The following MOB3A variants were observed in gnomAD, a reference collection of about 807,000 sequenced individuals.
MOB3A encodes the protein MOB LAK.
A neutral mutation model predicts 17.8 loss-of-function variants in MOB3A; 17 were observed. The ratio of observed to expected loss-of-function variants is 0.95; its 90% CI spans 0.65 to 1.43. The LOEUF is 1.43. MOB3A is among the 40% of genes most tolerant of loss of function. The probability of loss-of-function intolerance (pLI) is 0.00; values close to 1 mark genes in which losing one functional copy is unlikely to be tolerated. For synonymous variants in MOB3A, 124 were observed against 133.2 expected (o/e 0.93, Z 0.48); for missense variants, 333 against 310.8 (o/e 1.07, Z -0.54).
chr19:2,071,249 G>A lies in MOB3A; in HGVS notation c.*2146C>T, dbSNP rs898848064. 1.3e-5 allele frequency: 2 copies of A among 152,260 alleles called. No individual in the cohort carries two copies. Among genetic ancestry groups the A allele is most frequent in the African/African-American group, 4.8e-5 (2 of 41,458 alleles). 9.4% of individuals were successfully genotyped at this position (152,260 alleles called of 1,614,324 possible). On this transcript the variant is annotated 3_prime_UTR_variant, in exon 5 of 5. Transcript: ENST00000357066. ...TTGGGCTTCATCTTCCAGGTACAAG[G>A]AGATACATTTCATCAAGCAGTTCCT...
chr19:2,081,517 G>A (rs887400214), intron 2 of MOB3A, among the ~76,000 whole-genome samples: 30 of 150,938 alleles, frequency 2.0e-4, no homozygotes, highest in Non-Finnish European at 3.8e-4. Context: ...GAACCCGGGG[G>A]ACAAAGGTTG....
In MOB3A at chr19:2,082,544, G is replaced by A. The variant is rs959793507; in HGVS notation, c.-120+2631C>T. ...AACCCTGGACTCTGTGGGTGGATCG[G>A]CCGGGTCTCGAACCCTGGACTCTGT... On this transcript the variant is annotated intron_variant, in intron 2 of 4. Transcript: ENST00000357066. The surrounding 1 kb of genome is among the most constrained non-coding windows in gnomAD (Gnocchi z 4.1). 6.6e-6 allele frequency among the ~76,000 whole-genome samples: 1 copy of A among 152,094 alleles called. No individual in the cohort carries two copies. The highest frequency in any genetic ancestry group is 2.4e-5 in the African/African-American group (1 of 41,394).
chr19:2,077,846 C>G (rs1012048338), intron 3 of MOB3A, among the ~76,000 whole-genome samples: 1 of 151,552 alleles, frequency 6.6e-6, no homozygotes. Context: ...TACAGTGGCA[C>G]GATCATAGTT....
Position 2,082,968 on chromosome 19 carries a change from A to G in MOB3A, c.-120+2207T>C, listed in dbSNP as rs1460011431. On this transcript the variant is annotated intron_variant, in intron 2 of 4. Transcript: ENST00000357066. This position sits in a 1 kb window ranked among gnomAD's most constrained non-coding sequence, Gnocchi z 4.1. Reference sequence around the variant, plus strand: ...GCTGGGACCACGGGCACTCACTGCCATAATTTTTTATAATTTTTTCACCAC... The same window carrying G: ...GCTGGGACCACGGGCACTCACTGCCGTAATTTTTTATAATTTTTTCACCAC... Among the ~76,000 whole-genome samples, 3 of 151,062 alleles carry G rather than the reference A, an allele frequency of 2.0e-5. No homozygotes were observed. The highest frequency in any genetic ancestry group is 7.4e-5 in the African/African-American group (3 of 40,636).
chr19:2,075,667 A>T (rs1000393), intron 4 of MOB3A, among the ~76,000 whole-genome samples: 71,783 of 151,922 alleles, frequency 0.47, 17,680 homozygotes, highest in African/African-American at 0.61. Context: ...CATCACCGAG[A>T]CACAATTGTG....
Position 2,076,875 on chromosome 19 carries a change from TAGC to T in MOB3A, c.557_559del (p.Cys186del), listed in dbSNP as rs776272693. The T allele has an allele frequency of 1.2e-6, 2 of 1,613,960 alleles. No individual in the cohort carries two copies. The highest frequency in any genetic ancestry group is 4.5e-5 in the East Asian group (2 of 44,900). ...CTTGACGAAATAGTAGAAGTGCTTGTAGCAGGTGTTCACGTGGGCCTCGGAGCC... is the reference window on the plus strand; with the variant it reads ...CTTGACGAAATAGTAGAAGTGCTTGTAGGTGTTCACGTGGGCCTCGGAGCC... On this transcript the variant is annotated inframe_deletion, in exon 4 of 5. Coordinates refer to ENST00000357066, the MANE Select transcript of MOB3A (RefSeq NM_130807.3).
At chr19:2,091,557 T>A (rs1259634816) in intron 1 of MOB3A, among the ~76,000 whole-genome samples, 1 of 151,610 alleles carries the variant, frequency 6.6e-6, no homozygotes, top group Non-Finnish European at 1.5e-5. Context: ...CTAATTTTTG[T>A]ATTTTTGGTA....
rs576633033 is a variant in MOB3A, at chr19:2,096,071, C to A, written c.-274+155G>T. 4.6e-5 allele frequency among the ~76,000 whole-genome samples: 7 copies of A among 151,934 alleles called. No homozygotes were observed. In the South Asian group the frequency reaches 1.5e-3, roughly 32 times the overall value. ...GCCCTTCCTGAAGGCTCGGCCTCCC[C>A]GTAGCCTAAGTTCGCCCGTCTGAGG... On this transcript the variant is annotated intron_variant, in intron 1 of 4. Coordinates refer to ENST00000357066, the MANE Select transcript of MOB3A (RefSeq NM_130807.3).
chr19:2,087,029 G>C (rs375074036), intron 1 of MOB3A, among the ~76,000 whole-genome samples: 1 of 152,188 alleles, frequency 6.6e-6, no homozygotes, highest in South Asian at 2.1e-4. Context: ...GGAGTCAAGC[G>C]ATCTTCCCAC....
chr19:2,089,872 T>C (rs1248051338), intron 1 of MOB3A, among the ~76,000 whole-genome samples: 2 of 151,918 alleles, frequency 1.3e-5, no homozygotes, highest in Non-Finnish European at 2.9e-5. Context: ...CTGAGCAATG[T>C]CCCTGGCCTC....
rs779301315 is a variant in MOB3A at position 2,078,591 on chromosome 19, T to C, written c.-31A>G. 29 of 1,536,798 alleles carry C rather than the reference T, an allele frequency of 1.9e-5. No homozygotes were observed. In the African/African-American group the frequency reaches 3.4e-4, roughly 18 times the overall value. ...TGACGCCTGCTCTCCTGGACTTCTG[T>C]AGAGGGGTCCTGGGCCAGCTGGCTG... On this transcript the variant is annotated 5_prime_UTR_variant, in exon 3 of 5. Transcript: ENST00000357066.
Position 2,073,287 on chromosome 19 carries a change from C to A in MOB3A, c.*108G>T. 2 of 1,455,874 alleles carry A rather than the reference C, an allele frequency of 1.4e-6. No homozygotes were observed. Among genetic ancestry groups the A allele is most frequent in the South Asian group, 2.3e-5 (2 of 87,156 alleles). 90.2% of individuals were successfully genotyped at this position (1,455,874 alleles called of 1,614,324 possible). A position where few individuals can be genotyped will look rare whatever the true frequency, so the allele number is the denominator to read the frequency against. On this transcript the variant is annotated 3_prime_UTR_variant, in exon 5 of 5. Transcript: ENST00000357066. ...GCTCAGCGGCTCGGCCCCTGGTCTC[C>A]CTGAGATGCTCAGGCCGGAGAGAAG... is the stretch of plus-strand genomic sequence containing the variant.
rs567058262 is a variant in MOB3A at position 2,093,805 on chromosome 19, C to T, written c.-274+2421G>A. On this transcript the variant is annotated intron_variant, in intron 1 of 4. Transcript: ENST00000357066. The surrounding 1 kb of genome is among the most constrained non-coding windows in gnomAD (Gnocchi z 4.6). The stretch of plus-strand genomic sequence containing the variant: ...TGTTGCTTGAGGTGGGTGCCTGTGT[C>T]GTCCCTGGGGAAAGGGAAACACATC... Among the ~76,000 whole-genome samples the T allele has an allele frequency of 2.0e-5, 3 of 151,886 alleles. No individual in the cohort carries two copies. Among genetic ancestry groups the T allele is most frequent in the Non-Finnish European group, 4.4e-5 (3 of 67,958 alleles).
At position 2,078,463 on chromosome 19, in the gene MOB3A, T is replaced by C; in HGVS notation, c.98A>G (p.Lys33Arg). 2 of 1,612,794 alleles carry C rather than the reference T, an allele frequency of 1.2e-6. No individual in the cohort carries two copies. Among genetic ancestry groups the C allele is most frequent in the Non-Finnish European group, 8.5e-7 (1 of 1,179,044 alleles). The change falls in exon 3 of 5, where the codon AAG becomes AGG. Residue 33 changes from lysine (K) to arginine (R), a missense_variant. Transcript: ENST00000357066. ...EPGTQRFELHKKAQASLNAGL... is the reference protein window; with the variant it reads ...EPGTQRFELHRKAQASLNAGL... The stretch of plus-strand genomic sequence containing the variant: ...GGCGTTCAGCGACGCCTGCGCCTTC[T>C]TGTGCAGCTCGAAGCGCTGGGTGCC...
Position 2,078,681 on chromosome 19 carries a change from T to C in MOB3A, c.-119-2A>G, listed in dbSNP as rs2017449693. 4.1e-6 allele frequency: 4 copies of C among 974,046 alleles called. No homozygotes were observed. The highest frequency in any genetic ancestry group is 6.0e-6 in the Non-Finnish European group (4 of 669,432). The allele number at this position is 974,046 out of a possible 1,614,324, so 60.3% of individuals were successfully genotyped here. A position where few individuals can be genotyped will look rare whatever the true frequency, so the allele number is the denominator to read the frequency against. On this transcript the variant is annotated splice_acceptor_variant, in intron 2 of 4. Transcript: ENST00000357066. LOFTEE classifies it low-confidence loss of function (5UTR_SPLICE). ...AAGCCCCACAGCTCTCCCGCGGACCTGAAATACACAGGGGAATCATGACCT... is the reference window on the plus strand; with the variant it reads ...AAGCCCCACAGCTCTCCCGCGGACCCGAAATACACAGGGGAATCATGACCT...
intron 3 of MOB3A, 87 bp downstream of exon 3, chr19:2,078,053 G>A (rs2145720527): frequency 1.5e-6 from 2 of 1,345,882 alleles, no homozygotes; most frequent in East Asian, 5.2e-5. Flanking sequence ...CAAAGCGCTG[G>A]CATTACGGGT....
chr19:2,096,025 T>C (rs1481996859), intron 1 of MOB3A, among the ~76,000 whole-genome samples: 3 of 151,936 alleles, frequency 2.0e-5, no homozygotes, highest in African/African-American at 7.3e-5. Context: ...ATTACAGGCG[T>C]GAGCCACCGC....
chr19:2,094,824 A>G (rs761426370), intron 1 of MOB3A, among the ~76,000 whole-genome samples: 12 of 152,270 alleles, frequency 7.9e-5, no homozygotes, highest in Non-Finnish European at 1.3e-4. Flanking sequence ...TTGCATGTCA[A>G]TTAAACCCGT....
intron 4 of MOB3A, among the ~76,000 whole-genome samples, chr19:2,073,657 A>G (rs1244091637): frequency 6.6e-6 from 1 of 152,156 alleles, no homozygotes; most frequent in Non-Finnish European, 1.5e-5. Flanking sequence ...GGTCCCTGTC[A>G]TGATGGCTCA....
Sources: allele counts gnomAD v4.1 joint callset (sites outside exome capture counted in the v4.1 genomes callset), GRCh38; gene constraint gnomAD v4.1.1; non-coding constraint Gnocchi (gnomAD v3.1); transcripts MANE v1.5; gene names NCBI Gene and HGNC (gene_info 2026-07-23, HGNC 2026-07-21).